Variants in DAB1 observed in about 807,000 individuals in gnomAD.
DAB1 encodes the protein DAB adaptor protein 1, also known as disabled homolog 1.
A neutral mutation model predicts 64.6 loss-of-function variants in DAB1; 15 were observed. The observed-to-expected ratio is 0.23, with a 90% CI of 0.16 to 0.36. The LOEUF (loss-of-function observed/expected upper bound fraction) is 0.36. Ranked by LOEUF, DAB1 falls within the 10% of genes least tolerant of loss-of-function variation. The probability of loss-of-function intolerance (pLI) is 1.00; values close to 1 mark genes in which losing one functional copy is unlikely to be tolerated. For missense variants in DAB1, 596 were observed against 706.7 expected, an observed-to-expected ratio of 0.84 and a Z score of 1.78; for synonymous variants, 235 against 251.9, an observed-to-expected ratio of 0.93 and a Z score of 0.64.
intron 4 of DAB1, among the ~76,000 whole-genome samples, chr1:58,292,940 T>C (rs1040371149): frequency 3.9e-5 from 6 of 152,108 alleles, no homozygotes; most frequent in Non-Finnish European, 8.8e-5. Context: ...CGAGATCACA[T>C]TCTAAAATTC....
chr1:58,195,983 T>G (rs1025843655), intron 4 of DAB1, among the ~76,000 whole-genome samples: 1 of 152,176 alleles, frequency 6.6e-6, no homozygotes, highest in Non-Finnish European at 1.5e-5. Flanking sequence ...TCCTTTACCC[T>G]TAAGAATTAT....
chr1:57,987,190 T>C (rs1646239275), intron 5 of DAB1, among the ~76,000 whole-genome samples: 1 of 151,780 alleles, frequency 6.6e-6, no homozygotes, highest in African/African-American at 2.4e-5. Flanking sequence ...ATCAGCCCCA[T>C]TTATAGGACG....
At chr1:58,413,589 T>G (rs534317539) in intron 3 of DAB1, among the ~76,000 whole-genome samples, 220 of 152,284 alleles carry the variant, frequency 1.4e-3, no homozygotes, top group Non-Finnish European at 2.3e-3. Context: ...TGGTGGCTTG[T>G]GCAGTCCCAA....
chr1:58,471,420 G>A (rs898238587), intron 3 of DAB1, among the ~76,000 whole-genome samples: 1 of 152,110 alleles, frequency 6.6e-6, no homozygotes, highest in East Asian at 1.9e-4. Context: ...CCTGGCCCTG[G>A]CTTAGGTGAA....
chr1:57,480,730 C>T (rs1558420753), intron 7 of DAB1, among the ~76,000 whole-genome samples: 1 of 152,072 alleles, frequency 6.6e-6, no homozygotes, highest in Non-Finnish European at 1.5e-5. Context: ...AGTGATCTGC[C>T]CTTCTTGGCT....
chr1:57,791,193 T>C (rs1050177075), intron 6 of DAB1, among the ~76,000 whole-genome samples: 5 of 152,158 alleles, frequency 3.3e-5, no homozygotes, highest in African/African-American at 1.2e-4. Context: ...TGACACAAAG[T>C]GTCTAGTACC....
chr1:58,183,649 CTT>C (rs935023160), intron 4 of DAB1, among the ~76,000 whole-genome samples: 1 of 151,158 alleles, frequency 6.6e-6, no homozygotes, highest in Non-Finnish European at 1.5e-5. Context: ...CTTTGCACGT[CTT>C]GTTTGTTGTT....
intron 7 of DAB1, among the ~76,000 whole-genome samples, chr1:57,460,875 T>A (rs902890302): frequency 5.9e-5 from 9 of 152,146 alleles, no homozygotes; most frequent in African/African-American, 2.2e-4. Context: ...TCTGCACAAA[T>A]GTACCTTATC....
chr1:57,310,708 C>T (rs1674626119), intron 1 of DAB1, among the ~76,000 whole-genome samples: 1 of 152,202 alleles, frequency 6.6e-6, no homozygotes, highest in Admixed American at 6.5e-5. Flanking sequence ...CTGCTCCCAT[C>T]ACTGTAGTGA....
chr1:57,491,406 T>C (rs960815425), intron 7 of DAB1, among the ~76,000 whole-genome samples: 3 of 152,098 alleles, frequency 2.0e-5, no homozygotes, highest in Admixed American at 1.3e-4. Context: ...CTAGCCTGGG[T>C]GACAGAGCGA....
intron 6 of DAB1, among the ~76,000 whole-genome samples, chr1:57,681,534 A>G (rs1216459395): frequency 6.6e-6 from 1 of 152,166 alleles, no homozygotes; most frequent in Non-Finnish European, 1.5e-5. Flanking sequence ...GTCTTTAAAT[A>G]AGGAAATAAA....
intron 6 of DAB1, among the ~76,000 whole-genome samples, chr1:57,677,659 C>T (rs571708279): frequency 6.4e-4 from 97 of 152,234 alleles, no homozygotes; most frequent in Non-Finnish European, 1.2e-3. Context: ...ATACTCTGAA[C>T]GACCAACTGA....
rs377254148 is a variant in DAB1 at position 57,148,633 on chromosome 1, G to T, written c.68-3204C>A. Among the ~76,000 whole-genome samples, 6 of 152,204 alleles carry T rather than the reference G, an allele frequency of 3.9e-5. No individual in the cohort carries two copies. In the East Asian group the frequency reaches 1.2e-3, roughly 29 times the overall value. On this transcript the variant is annotated intron_variant, in intron 2 of 14. Coordinates refer to ENST00000371236, the MANE Select transcript of DAB1 (RefSeq NM_001365792.1). ...TGACCCTCTGCTTCAAGATGGGCAA[G>T]AGAAAGACCACACGTTTAAGGAAAA... is the stretch of plus-strand genomic sequence containing the variant.
chr1:57,608,022 T>C (rs1416467285), intron 7 of DAB1, among the ~76,000 whole-genome samples: 2 of 152,070 alleles, frequency 1.3e-5, no homozygotes, highest in Non-Finnish European at 2.9e-5. Context: ...CCCTTTCTTC[T>C]TCCTCTACTC....
At chr1:57,554,443 G>A (rs2101486379) in intron 7 of DAB1, among the ~76,000 whole-genome samples, 1 of 152,272 alleles carries the variant, frequency 6.6e-6, no homozygotes, top group African/African-American at 2.4e-5. Flanking sequence ...GTACAGTCCT[G>A]GCATATAGTA....
chr1:58,296,938 T>C (rs1287686232), intron 4 of DAB1, among the ~76,000 whole-genome samples: 1 of 152,224 alleles, frequency 6.6e-6, no homozygotes, highest in Non-Finnish European at 1.5e-5. Flanking sequence ...TTAAAATGTT[T>C]CAGATACTTC....
chr1:57,428,165 T>C (rs955267485), upstream of DAB1, among the ~76,000 whole-genome samples: 1 of 150,442 alleles, frequency 6.6e-6, no homozygotes, highest in African/African-American at 2.4e-5. Context: ...TGAAACTCCA[T>C]CTCAGAAAAA....
intron 5 of DAB1, among the ~76,000 whole-genome samples, chr1:57,911,016 TG>T: frequency 6.6e-6 from 1 of 152,366 alleles, no homozygotes; most frequent in East Asian, 1.9e-4. Context: ...GGAGCAGCTA[TG>T]ATTCATTCAG....
At chr1:57,514,921 T>C (rs1411891448) in intron 7 of DAB1, among the ~76,000 whole-genome samples, 1 of 152,202 alleles carries the variant, frequency 6.6e-6, no homozygotes, top group African/African-American at 2.4e-5. Flanking sequence ...TACAAGGTAT[T>C]TAAAACAATG....
Sources: gnomAD v4.1 joint callset for allele counts (sites outside exome capture counted in the v4.1 genomes callset) on GRCh38, gnomAD v4.1.1 for gene constraint, MANE v1.5 for transcripts, NCBI Gene and HGNC (gene_info 2026-07-23, HGNC 2026-07-21) for gene names.